Variants in SASH1 observed in about 807,000 individuals in gnomAD.
SASH1 encodes the protein SAM and SH3 domain containing 1.
Under a neutral mutation model 125.2 loss-of-function variants are expected in SASH1, and 44 were observed. The ratio of observed to expected loss-of-function variants is 0.35; its 90% CI spans 0.28 to 0.45. The LOEUF (loss-of-function observed/expected upper bound fraction) is 0.45, where lower values mean the gene tolerates loss of function less well. Ranked by LOEUF, SASH1 falls within the 20% of genes least tolerant of loss-of-function variation. SASH1 has a pLI of 1.00. For missense variants in SASH1, 1,426 were observed against 1,614.5 expected (o/e 0.88, Z 2.00); for synonymous variants, 639 against 649.1 (o/e 0.98, Z 0.24).
At chr6:148,361,221 G>C (rs961396374) in intron 1 of SASH1, among the ~76,000 whole-genome samples, 1 of 152,196 alleles carries the variant, frequency 6.6e-6, no homozygotes, top group Non-Finnish European at 1.5e-5. Context: ...GCTTTGTTAT[G>C]GCAGCCCCTA....
At chr6:148,492,565 C>T (rs1211891336) in intron 8 of SASH1, among the ~76,000 whole-genome samples, 1 of 152,142 alleles carries the variant, frequency 6.6e-6, no homozygotes, top group East Asian at 1.9e-4. Context: ...CACCTGTAAT[C>T]CCAGCACTTT....
chr6:148,407,636 T>G (rs1784429014), intron 2 of SASH1, among the ~76,000 whole-genome samples: 1 of 152,152 alleles, frequency 6.6e-6, no homozygotes, highest in Non-Finnish European at 1.5e-5. Flanking sequence ...CTTTTAATTT[T>G]TTTGTTTTTG....
intron 4 of SASH1, among the ~76,000 whole-genome samples, chr6:148,458,037 C>G (rs1247041137): frequency 6.6e-6 from 1 of 152,176 alleles, no homozygotes; most frequent in African/African-American, 2.4e-5. Flanking sequence ...TATTCACCTG[C>G]ATGTAACTGA....
the SASH1 span, among the ~76,000 whole-genome samples, chr6:148,265,620 A>G: frequency 6.6e-6 from 1 of 152,206 alleles, no homozygotes; most frequent in Non-Finnish European, 1.5e-5. Flanking sequence ...AAAAGTAGAC[A>G]TAAGAGCATT....
chr6:148,345,312 G>C (rs755222896), intron 1 of SASH1, among the ~76,000 whole-genome samples: 1 of 152,150 alleles, frequency 6.6e-6, no homozygotes, highest in Non-Finnish European at 1.5e-5. Flanking sequence ...AGTTGTAGTG[G>C]AGTGTTCTTT....
chr6:148,328,467 C>A (rs1252131141), intron 1 of SASH1, among the ~76,000 whole-genome samples: 1 of 151,996 alleles, frequency 6.6e-6, no homozygotes, highest in Non-Finnish European at 1.5e-5. Context: ...GTGGTGGGCA[C>A]CTGTAATCCC....
At chr6:148,331,145 C>G (rs1458232696) in intron 1 of SASH1, among the ~76,000 whole-genome samples, 1 of 152,162 alleles carries the variant, frequency 6.6e-6, no homozygotes, top group Non-Finnish European at 1.5e-5. Context: ...TCCTCATGGG[C>G]ATCTGTATAG....
rs142970474 is a variant in SASH1 at position 148,548,263 on chromosome 6, G to A, written c.3481-32G>A. Reference sequence around the variant, plus strand: ...AGTAGTCCTCGATGACACATGGAGCGTTTCTATCATATTCTTTCTTAATTT... The same window carrying A: ...AGTAGTCCTCGATGACACATGGAGCATTTCTATCATATTCTTTCTTAATTT... On this transcript the variant is annotated intron_variant, in intron 19 of 19. Transcript: ENST00000367467. 6.7e-4 allele frequency: 1,058 copies of A among 1,581,690 alleles called. 15 individuals carry two copies. The East Asian group carries it at 0.022, about 33-fold the overall frequency.
chr6:148,311,729 G>C (rs924537414), intron 1 of SASH1, among the ~76,000 whole-genome samples: 1 of 152,128 alleles, frequency 6.6e-6, no homozygotes, highest in East Asian at 1.9e-4. Context: ...CCCTGAACCT[G>C]GGACAGGGAG....
chr6:148,467,789 T>TA (rs1777915983), intron 4 of SASH1, among the ~76,000 whole-genome samples: 1 of 151,990 alleles, frequency 6.6e-6, no homozygotes, highest in Admixed American at 6.6e-5. Flanking sequence ...ATACAAAAAT[T>TA]AGCCAGGCGT....
At chr6:148,441,931 A>G (rs531049103) in intron 4 of SASH1, among the ~76,000 whole-genome samples, 1 of 152,316 alleles carries the variant, frequency 6.6e-6, no homozygotes, top group East Asian at 1.9e-4. Context: ...CACTGTCTCC[A>G]TTTGTAATAT....
chr6:148,361,093 G>C (rs931428018), intron 1 of SASH1, among the ~76,000 whole-genome samples: 39 of 152,194 alleles, frequency 2.6e-4, no homozygotes, highest in Admixed American at 2.4e-3. Flanking sequence ...GCACCTGCAG[G>C]CTAAGGAATG....
At chr6:148,445,348 C>A (rs956840299) in intron 4 of SASH1, among the ~76,000 whole-genome samples, 1 of 152,192 alleles carries the variant, frequency 6.6e-6, no homozygotes, top group South Asian at 2.1e-4. Flanking sequence ...TCTGACATAC[C>A]TGCTTTATTG....
chr6:148,358,187 A>G (rs1350082736), intron 1 of SASH1, among the ~76,000 whole-genome samples: 1 of 152,058 alleles, frequency 6.6e-6, no homozygotes, highest in Admixed American at 6.6e-5. Context: ...CTGCAGACAG[A>G]CTTGCAGACA....
intron 1 of SASH1, 66 bp downstream of exon 1, chr6:148,343,289 G>T (rs1781405133): frequency 1.3e-6 from 2 of 1,490,610 alleles, no homozygotes; most frequent in African/African-American, 1.4e-5. Flanking sequence ...GAAACCGGGG[G>T]CTCCCTTCTC....
At chr6:148,361,896 TTTTTTC>T (rs1253614901) in intron 1 of SASH1, among the ~76,000 whole-genome samples, 33 of 149,346 alleles carry the variant, frequency 2.2e-4, no homozygotes, top group Non-Finnish European at 3.3e-4. Context: ...CCAGCATTTC[TTTTTTC>T]TTTTTCTTTT....
chr6:148,485,418 T>C (rs1778798239), intron 7 of SASH1, among the ~76,000 whole-genome samples: 1 of 152,224 alleles, frequency 6.6e-6, no homozygotes. Flanking sequence ...GTCAAGTTAA[T>C]GTGAACTTTG....
Position 148,525,346 on chromosome 6 carries a change from G to A in SASH1, c.1265G>A (p.Ser422Asn). Reference protein sequence around the residue: ...DLTNRSLHVGSNNSDPMGKEG... With the variant: ...DLTNRSLHVGNNNSDPMGKEG... Reference sequence around the variant, plus strand: ...ACGAATCGCTCTCTGCACGTTGGCAGTAATAATTCTGACCCAATGGTGAGT... The same window carrying A: ...ACGAATCGCTCTCTGCACGTTGGCAATAATAATTCTGACCCAATGGTGAGT... Residue 422 changes from serine (S) to asparagine (N), a missense_variant, in exon 11 of 20, where the codon AGT becomes AAT. Ser to Asn is a conservative substitution (Grantham distance 46). Around this residue, in one of 3 missense-constraint regions of SASH1, gnomAD observed 567 missense variants for 575.6 expected, o/e 0.99. Coordinates refer to ENST00000367467, the MANE Select transcript of SASH1 (RefSeq NM_015278.5). 6.2e-7 allele frequency: 1 copy of A among 1,613,920 alleles called. No individual in the cohort carries two copies. The highest frequency in any genetic ancestry group is 8.5e-7 in the Non-Finnish European group (1 of 1,179,824).
intron 9 of SASH1, among the ~76,000 whole-genome samples, chr6:148,517,985 A>G (rs1455080520): frequency 1.3e-5 from 2 of 152,180 alleles, no homozygotes; most frequent in African/African-American, 2.4e-5. Flanking sequence ...AGAGAAGTCC[A>G]TGGTTGGGCT....
Sources: allele counts gnomAD v4.1 joint callset (sites outside exome capture counted in the v4.1 genomes callset), GRCh38; gene constraint gnomAD v4.1.1; regional missense constraint gnomAD v4.1.1; transcripts MANE v1.5; gene names NCBI Gene and HGNC (gene_info 2026-07-23, HGNC 2026-07-21).